The following TNIK variants were observed in gnomAD, a reference collection of about 807,000 sequenced individuals.
The protein encoded by TNIK is TRAF2 and NCK-interacting protein kinase.
In TNIK, 49 loss-of-function variants were observed where a neutral mutation model predicts 191.3. The observed-to-expected ratio is 0.26, with a 90% CI of 0.20 to 0.32. TNIK has a LOEUF of 0.32. TNIK is among the 10% of genes least tolerant of loss of function. The pLI is 1.00. For missense variants in TNIK, 1,155 were observed against 1,702.3 expected (o/e 0.68, Z 5.66); for synonymous variants, 594 against 600.9 (o/e 0.99, Z 0.17).
rs6795910 is a variant in TNIK at position 171,321,726 on chromosome 3, C to T, written c.123+47894G>A. Reference sequence around the variant, plus strand: ...CAGATTACCAGATTAACACACCAGGCGGGAAGGGAATGATAGAAAGTAGCG... The same window carrying T: ...CAGATTACCAGATTAACACACCAGGTGGGAAGGGAATGATAGAAAGTAGCG... On this transcript the variant is annotated intron_variant, in intron 2 of 32. Coordinates refer to ENST00000436636, the MANE Select transcript of TNIK (RefSeq NM_015028.4). Among the ~76,000 whole-genome samples, 44 of 152,026 alleles carry T rather than the reference C, an allele frequency of 2.9e-4. No individual in the cohort carries two copies. The East Asian group carries it at 4.0e-3, about 14-fold the overall frequency.
intron 4 of TNIK, among the ~76,000 whole-genome samples, chr3:171,197,311 A>G (rs139480818): frequency 2.6e-3 from 399 of 152,296 alleles, no homozygotes; most frequent in African/African-American, 9.1e-3. Context: ...AGGAGAAACC[A>G]TAGGGGTAAC....
chr3:171,277,613 G>A (rs1006192901), intron 2 of TNIK, among the ~76,000 whole-genome samples: 3 of 152,224 alleles, frequency 2.0e-5, no homozygotes, highest in African/African-American at 7.2e-5. Flanking sequence ...TTTATAGCAG[G>A]GGTTAGCAAA....
chr3:171,167,112 T>C lies in TNIK; in HGVS notation c.932A>G (p.Lys311Arg). 6.2e-7 allele frequency: 1 copy of C among 1,610,934 alleles called. No homozygotes were observed. ...QLKDHIDRTK[K>R]KRGEKDETEY... ...CGTCTAACCTTTTTCTCCTCGCTTC[T>C]TCTTTGTTCTATCAATATGGTCCTT... The change falls in exon 10 of 33, where the codon AAG (lysine) becomes AGG (arginine). Residue 311 changes from lysine (K) to arginine (R), a missense_variant. Lys to Arg is a conservative substitution (Grantham distance 26). Coordinates refer to ENST00000436636, the MANE Select transcript of TNIK (RefSeq NM_015028.4).
intron 1 of TNIK, among the ~76,000 whole-genome samples, chr3:171,380,813 T>C (rs1354206236): frequency 6.6e-6 from 1 of 152,198 alleles, no homozygotes; most frequent in Non-Finnish European, 1.5e-5. Context: ...AGTAGGGAAA[T>C]ATTGGCTGGT....
At chr3:171,364,457 A>G (rs1402629811) in intron 2 of TNIK, among the ~76,000 whole-genome samples, 2 of 151,948 alleles carry the variant, frequency 1.3e-5, no homozygotes, top group Non-Finnish European at 2.9e-5. Context: ...TGAAAATGCT[A>G]AAAAAAATTT....
At chr3:171,102,116 G>A (rs1189780172) in intron 21 of TNIK, 1 of 152,346 alleles carries the variant, frequency 6.6e-6, no homozygotes, top group Non-Finnish European at 1.5e-5. Context: ...AACTCCCAAG[G>A]TTCCAGCTAC....
chr3:171,082,418 A>G, intron 26 of TNIK, 24 bp from the exon 27 acceptor site: 1 of 1,605,090 alleles, frequency 6.2e-7, no homozygotes, highest in Non-Finnish European at 8.5e-7. Flanking sequence ...AAGCACCCTA[A>G]GACTGACTTT....
At chr3:171,314,555 A>G (rs1754391786) in intron 2 of TNIK, among the ~76,000 whole-genome samples, 1 of 152,176 alleles carries the variant, frequency 6.6e-6, no homozygotes, top group South Asian at 2.1e-4. Flanking sequence ...AGCTGCTAAA[A>G]GATGAGAAAT....
chr3:171,107,099 G>A, intron 21 of TNIK, 84 bp downstream of exon 21: 2 of 1,422,600 alleles, frequency 1.4e-6, no homozygotes, highest in Non-Finnish European at 1.9e-6. Context: ...GCTCCCATTG[G>A]CCACCTTTCT....
Position 171,071,213 on chromosome 3 carries a change from C to T in TNIK, c.3549+10G>A, listed in dbSNP as rs776049186. Reference sequence around the variant, plus strand: ...AAAAGCACATTTTAGATAATCACATCCCTGCTTACCTTAAATGCCATGAAT... The same window carrying T: ...AAAAGCACATTTTAGATAATCACATTCCTGCTTACCTTAAATGCCATGAAT... On this transcript the variant is annotated intron_variant, in intron 29 of 32. Transcript: ENST00000436636. The T allele has an allele frequency of 1.0e-5, 16 of 1,580,408 alleles. No individual in the cohort carries two copies. Among genetic ancestry groups the T allele is most frequent in the Admixed American group, 1.9e-5 (1 of 54,036 alleles).
intron 7 of TNIK, among the ~76,000 whole-genome samples, chr3:171,181,707 T>A (rs1220474076): frequency 6.6e-6 from 1 of 152,174 alleles, no homozygotes; most frequent in Non-Finnish European, 1.5e-5. Context: ...CTTGCAACCA[T>A]GAGTTATTGC....
intron 25 of TNIK, 133 bp from the exon 26 acceptor site, chr3:171,084,458 T>C: frequency 9.5e-7 from 1 of 1,056,536 alleles, no homozygotes; most frequent in Non-Finnish European, 1.3e-6. Context: ...GAAACTCTCC[T>C]TATTTTACAC....
At chr3:171,065,958 G>T (rs1419794823) in intron 32 of TNIK, among the ~76,000 whole-genome samples, 2 of 152,140 alleles carry the variant, frequency 1.3e-5, no homozygotes, top group African/African-American at 2.4e-5. Flanking sequence ...GGCCACAAAG[G>T]TTTCTAAGAG....
At chr3:171,177,227 G>T in intron 8 of TNIK, 99 bp downstream of exon 8, 1 of 1,242,692 alleles carries the variant, frequency 8.0e-7, no homozygotes, top group Non-Finnish European at 1.1e-6. Context: ...TGCAGGGCTC[G>T]GTGTAGTGGA....
chr3:171,395,390 C>G (rs1470131644), intron 1 of TNIK, among the ~76,000 whole-genome samples: 3 of 152,180 alleles, frequency 2.0e-5, no homozygotes, highest in Non-Finnish European at 4.4e-5. Context: ...ATATAAAGCT[C>G]CTCTAACCGT....
In TNIK at chr3:171,084,333, A is replaced by G; in HGVS notation, c.2999-8T>C. The G allele has an allele frequency of 6.2e-7, 1 of 1,606,996 alleles. No homozygotes were observed. ...GTTCGCTAGTAAACAGAGCTTTGAGAAAAAGAATCAGAGAAGTCAGTGACA... is the reference window on the plus strand; with the variant it reads ...GTTCGCTAGTAAACAGAGCTTTGAGGAAAAGAATCAGAGAAGTCAGTGACA... On this transcript the variant is annotated splice_region_variant and splice_polypyrimidine_tract_variant and intron_variant, in intron 25 of 32. Coordinates refer to ENST00000436636, the MANE Select transcript of TNIK (RefSeq NM_015028.4).
rs959935164 is a variant in TNIK, at chr3:171,064,302, G to C, written c.4000-338C>G. Among the ~76,000 whole-genome samples the C allele has an allele frequency of 3.2e-4, 49 of 152,086 alleles. 1 individual carries two copies. Among genetic ancestry groups the C allele is most frequent in the African/African-American group, 1.1e-3 (45 of 41,398 alleles). ...TGGATTTCTGGTCTAGGACCCAACAGGTTCTTTGTTAATTTCTAGAAAGGC... is the reference window on the plus strand; with the variant it reads ...TGGATTTCTGGTCTAGGACCCAACACGTTCTTTGTTAATTTCTAGAAAGGC... On this transcript the variant is annotated intron_variant, in intron 32 of 32. Coordinates refer to ENST00000436636, the MANE Select transcript of TNIK (RefSeq NM_015028.4).
At chr3:171,417,307 A>G (rs563764623) in intron 1 of TNIK, among the ~76,000 whole-genome samples, 46 of 152,310 alleles carry the variant, frequency 3.0e-4, no homozygotes, top group African/African-American at 1.1e-3. Context: ...GATGCCATTA[A>G]GAGCATTTAG....
intron 2 of TNIK, among the ~76,000 whole-genome samples, chr3:171,300,995 G>C (rs747292609): frequency 1.2e-4 from 19 of 152,140 alleles, no homozygotes; most frequent in Admixed American, 9.2e-4. Context: ...TTTGGGTAAA[G>C]GTTTGGATCG....
Sources: gnomAD v4.1 joint callset for allele counts (sites outside exome capture counted in the v4.1 genomes callset) on GRCh38, gnomAD v4.1.1 for gene constraint, MANE v1.5 for transcripts, NCBI Gene and HGNC (gene_info 2026-07-23, HGNC 2026-07-21) for gene names.